CRYM: variants seen among roughly 807,000 people sequenced by gnomAD.
CRYM encodes crystallin mu, also known as ketimine reductase mu-crystallin.
CRYM carries 18 observed loss-of-function variants against 32.9 expected under a neutral mutation model. That is an observed-to-expected ratio of 0.55 (90% confidence interval 0.38 to 0.81). The LOEUF (loss-of-function observed/expected upper bound fraction) is 0.81, where lower values mean the gene tolerates loss of function less well. CRYM is among the 30% of genes least tolerant of loss of function. CRYM has a pLI of 0.00. For missense variants in CRYM, 337 were observed against 393.5 expected (o/e 0.86, Z 1.21); for synonymous variants, 153 against 152.4 (o/e 1.00, Z -0.03).
intron 1 of CRYM, among the ~76,000 whole-genome samples, chr16:21,286,391 T>G (rs1449605406): frequency 2.0e-5 from 3 of 151,496 alleles, no homozygotes; most frequent in South Asian, 2.1e-4. Context: ...CTAATTTTTT[T>G]TTTTTTTTTT....
intron 1 of CRYM, among the ~76,000 whole-genome samples, chr16:21,293,447 C>G (rs1960713878): frequency 6.6e-6 from 1 of 152,080 alleles, no homozygotes; most frequent in Non-Finnish European, 1.5e-5. Flanking sequence ...GTAGATCCAT[C>G]ATGAGCTGGG....
upstream of CRYM, among the ~76,000 whole-genome samples, chr16:21,282,417 T>G (rs1263752387): frequency 6.6e-6 from 1 of 152,098 alleles, no homozygotes; most frequent in African/African-American, 2.4e-5. Context: ...TTGTCTAAAT[T>G]TATAAATTGT....
chr16:21,260,444 T>C (rs1028491569), intron 7 of CRYM, among the ~76,000 whole-genome samples: 3 of 152,174 alleles, frequency 2.0e-5, no homozygotes, highest in African/African-American at 7.2e-5. Context: ...GGATTGCAGA[T>C]GTGCACCACC....
intron 1 of CRYM, among the ~76,000 whole-genome samples, chr16:21,290,331 G>A (rs1003139577): frequency 3.3e-5 from 5 of 152,106 alleles, no homozygotes; most frequent in African/African-American, 1.2e-4. Flanking sequence ...CAAACAACCT[G>A]GATGTGCCAC....
chr16:21,301,167 A>T (rs936805483), intron 1 of CRYM: 4 of 152,416 alleles, frequency 2.6e-5, no homozygotes, highest in African/African-American at 9.6e-5. Context: ...GACCCTGAGG[A>T]GCAGCGGCTC....
chr16:21,298,183 T>A (rs554180782), intron 1 of CRYM, among the ~76,000 whole-genome samples: 3 of 152,198 alleles, frequency 2.0e-5, no homozygotes, highest in Non-Finnish European at 4.4e-5. Flanking sequence ...CCTTTCCTTA[T>A]GTGAAGAGTG....
At chr16:21,278,382 C>T, upstream of CRYM, 2 of 1,175,570 alleles carry the variant, frequency 1.7e-6, no homozygotes, top group Non-Finnish European at 1.2e-6. Context: ...GGGGGCGGAG[C>T]AACCCCGCCC....
At chr16:21,284,580 G>A (rs1802797631) in intron 1 of CRYM, among the ~76,000 whole-genome samples, 1 of 151,960 alleles carries the variant, frequency 6.6e-6, no homozygotes. Flanking sequence ...TTTGTCTCCA[G>A]CTGCATCTAC....
intron 7 of CRYM, among the ~76,000 whole-genome samples, chr16:21,260,378 C>T (rs2093352177): frequency 6.6e-6 from 1 of 152,124 alleles, no homozygotes; most frequent in African/African-American, 2.4e-5. Flanking sequence ...CAGCTCACTA[C>T]AACCTCCACC....
upstream of CRYM, chr16:21,278,296 A>T: frequency 6.4e-7 from 1 of 1,552,072 alleles, no homozygotes; most frequent in Non-Finnish European, 8.7e-7. Context: ...ACCGCGATCC[A>T]CGTACCCTCG....
chr16:21,268,656 A>G (rs778464736), intron 4 of CRYM: 1 of 152,206 alleles, frequency 6.6e-6, no homozygotes, highest in Non-Finnish European at 1.5e-5. Flanking sequence ...ATAGAAGACT[A>G]TGCAAATTTT....
intron 1 of CRYM, among the ~76,000 whole-genome samples, chr16:21,295,796 G>T (rs977845563): frequency 6.6e-6 from 1 of 152,212 alleles, no homozygotes; most frequent in East Asian, 1.9e-4. Context: ...GCTGGGTGTG[G>T]TGGCACATGC....
At chr16:21,269,941 G>T (rs748253702) in intron 3 of CRYM, 50 bp from the exon 4 acceptor site, 2 of 1,358,778 alleles carry the variant, frequency 1.5e-6, no homozygotes, top group African/African-American at 1.4e-5. Context: ...CCTAGCAGAC[G>T]GGTAAAAAAC....
chr16:21,258,649 C>T lies in CRYM; in HGVS notation c.*132G>A. The T allele has an allele frequency of 1.2e-6, 1 of 810,074 alleles. No individual in the cohort carries two copies. The allele number at this position is 810,074 out of a possible 1,614,324, so 50.2% of individuals were successfully genotyped here. ...CTACAAACATAAATGAGGATCTCAG[C>T]ATTTAAGGTAAAACATGATAAGCAC... On this transcript the variant is annotated 3_prime_UTR_variant, in exon 8 of 8. Transcript: ENST00000572914.
At chr16:21,266,752 C>T (rs755111854) in intron 5 of CRYM, among the ~76,000 whole-genome samples, 15 of 152,230 alleles carry the variant, frequency 9.9e-5, no homozygotes, top group Non-Finnish European at 1.9e-4. Flanking sequence ...TGTAATCAGT[C>T]GCAGCACTTT....
chr16:21,267,761 A>T (rs769440478), intron 4 of CRYM, 24 bp from the exon 5 acceptor site: 1 of 1,613,916 alleles, frequency 6.2e-7, no homozygotes, highest in Non-Finnish European at 8.5e-7. Context: ...AACAAGAAGG[A>T]TATTGGCGCC....
At chr16:21,269,384 T>C (rs1430927985) in intron 4 of CRYM, among the ~76,000 whole-genome samples, 1 of 152,188 alleles carries the variant, frequency 6.6e-6, no homozygotes, top group Non-Finnish European at 1.5e-5. Context: ...AGAGAGGCTG[T>C]GGCCTCCTGG....
At chr16:21,280,502 G>T (rs986153747), upstream of CRYM, among the ~76,000 whole-genome samples, 4 of 152,058 alleles carry the variant, frequency 2.6e-5, no homozygotes, top group Non-Finnish European at 5.9e-5. Context: ...AGCCATGATG[G>T]GATGGCAAAT....
chr16:21,273,319 A>AAAT (rs1337019476), intron 3 of CRYM, among the ~76,000 whole-genome samples: 3 of 152,212 alleles, frequency 2.0e-5, no homozygotes, highest in Non-Finnish European at 4.4e-5. Context: ...GCAACAAGTA[A>AAAT]AATAGACCCT....
Sources: gnomAD v4.1 joint callset for allele counts (sites outside exome capture counted in the v4.1 genomes callset) on GRCh38, gnomAD v4.1.1 for gene constraint, MANE v1.5 for transcripts, NCBI Gene and HGNC (gene_info 2026-07-23, HGNC 2026-07-21) for gene names.